KLHL12: variants seen among roughly 807,000 people sequenced by gnomAD.
KLHL12 encodes the protein kelch like family member 12, also known as kelch-like protein 12.
A neutral mutation model predicts 60.8 loss-of-function variants in KLHL12; 17 were observed. The ratio of observed to expected loss-of-function variants is 0.28; its 90% CI spans 0.19 to 0.42. The LOEUF is 0.42. KLHL12 is among the 10% of genes least tolerant of loss of function. The probability of loss-of-function intolerance (pLI) is 1.00; values close to 1 mark genes in which losing one functional copy is unlikely to be tolerated. For missense variants in KLHL12, 468 were observed against 722.3 expected (o/e 0.65, Z 4.04); for synonymous variants, 220 against 250.9 (o/e 0.88, Z 1.16).
At chr1:202,907,730 G>A (rs1045011661) in intron 6 of KLHL12, among the ~76,000 whole-genome samples, 10 of 150,144 alleles carry the variant, frequency 6.7e-5, no homozygotes, top group Non-Finnish European at 1.3e-4. Context: ...AACAAAGGAA[G>A]GCTCTGTCTC....
chr1:202,918,203 C>T lies in KLHL12; in HGVS notation c.535G>A (p.Val179Met). ...TCGTCGCACTTGATTAGCTTTTCCA[C>T]CTCTCCTTGACTCAGAAGAATGAAC... is the stretch of plus-strand genomic sequence containing the variant. ...EEFILLSQGE[V>M]EKLIKCDEIQ... is the part of the protein sequence containing the mutation. The change falls in exon 4 of 12, where the codon GTG becomes ATG. Residue 179 changes from valine to methionine, a missense_variant. By Grantham distance (21) the Val-to-Met change is conservative. Around this residue, in one of 4 missense-constraint regions of KLHL12, gnomAD observed 339 missense variants for 525.0 expected, o/e 0.65. Transcript: ENST00000367261. 1.2e-6 allele frequency: 2 copies of T among 1,614,112 alleles called. No homozygotes were observed. The highest frequency in any genetic ancestry group is 4.5e-5 in the East Asian group (2 of 44,872).
Position 202,927,142 on chromosome 1 carries a change from T to A in KLHL12, c.-99A>T. ...CGGGCCCGTCCCCAGCCTGTGGGGA[T>A]GGAGTGCGGCGCGGGGCTAGCAGGC... On this transcript the variant is annotated 5_prime_UTR_variant, in exon 1 of 12. Coordinates refer to ENST00000367261, the MANE Select transcript of KLHL12 (RefSeq NM_021633.4). 8 of 985,146 alleles carry A rather than the reference T, an allele frequency of 8.1e-6. No homozygotes were observed. Among genetic ancestry groups the A allele is most frequent in the Non-Finnish European group, 9.6e-6 (8 of 829,890 alleles). The allele number at this position is 985,146 out of a possible 1,614,324, so 61.0% of individuals were successfully genotyped here. A position where few individuals can be genotyped will look rare whatever the true frequency, so the allele number is the denominator to read the frequency against.
intron 4 of KLHL12, among the ~76,000 whole-genome samples, chr1:202,915,528 T>C (rs547864700): frequency 3.3e-5 from 5 of 152,288 alleles, no homozygotes; most frequent in African/African-American, 1.2e-4. Context: ...AGCTTCTAAA[T>C]AAGGTTAGTT....
intron 2 of KLHL12, among the ~76,000 whole-genome samples, chr1:202,924,694 C>T (rs1323228327): frequency 6.6e-6 from 1 of 152,192 alleles, no homozygotes; most frequent in Non-Finnish European, 1.5e-5. Context: ...TGTTTTACTA[C>T]ATATTACACT....
At chr1:202,918,425 T>C (rs1424566134) in intron 3 of KLHL12, 37 bp from the exon 4 acceptor site, 1 of 1,490,200 alleles carries the variant, frequency 6.7e-7, no homozygotes, top group Non-Finnish European at 9.4e-7. Flanking sequence ...TTTAGAATAG[T>C]TGGACAGGTG....
At chr1:202,914,102 G>A (rs1189879534) in intron 4 of KLHL12, among the ~76,000 whole-genome samples, 2 of 152,198 alleles carry the variant, frequency 1.3e-5, no homozygotes, top group Admixed American at 1.3e-4. Context: ...GGAGAGTTAA[G>A]CAAGGGCCAG....
intron 6 of KLHL12, among the ~76,000 whole-genome samples, chr1:202,907,597 T>A (rs1362570020): frequency 7.9e-6 from 1 of 126,908 alleles, no homozygotes; most frequent in Non-Finnish European, 1.6e-5. Flanking sequence ...GACTCTGTCT[T>A]AAAAAAAAAA....
At chr1:202,912,287 TGTG>T (rs912601772) in intron 4 of KLHL12, 6 of 880,626 alleles carry the variant, frequency 6.8e-6, no homozygotes, top group African/African-American at 1.6e-5. Context: ...ACCATGACTC[TGTG>T]AATAAGACTG....
rs779157649 is a variant in KLHL12, at chr1:202,926,950, C to T, written c.-46+139G>A. The T allele has an allele frequency of 4.1e-5, 25 of 605,342 alleles. 1 individual carries two copies. The highest frequency in any genetic ancestry group is 5.2e-5 in the Non-Finnish European group (25 of 482,364). The allele number at this position is 605,342 out of a possible 1,614,324, so 37.5% of individuals were successfully genotyped here. On this transcript the variant is annotated intron_variant, in intron 1 of 11. Transcript: ENST00000367261. The stretch of plus-strand genomic sequence containing the variant: ...GTGACCGAGGCCAGATGCCCCACCC[C>T]ACTGCCAGCCTTCCTCCTCTGTTGG...
intron 6 of KLHL12, among the ~76,000 whole-genome samples, chr1:202,905,899 G>C (rs1019476031): frequency 2.0e-5 from 3 of 150,476 alleles, no homozygotes; most frequent in Admixed American, 6.6e-5. Context: ...CCATCTCCTG[G>C]GTTCACGCCA....
chr1:202,908,678 A>G (rs905184727), intron 6 of KLHL12, among the ~76,000 whole-genome samples: 1 of 152,258 alleles, frequency 6.6e-6, no homozygotes, highest in Admixed American at 6.5e-5. Flanking sequence ...CTTACCTGCC[A>G]TTATGTGGCA....
chr1:202,899,447 G>A (rs1013064054), intron 6 of KLHL12, among the ~76,000 whole-genome samples: 4 of 152,096 alleles, frequency 2.6e-5, no homozygotes, highest in Non-Finnish European at 5.9e-5. Context: ...GTTTTTCTAA[G>A]AGGGCACTTG....
At chr1:202,897,695 C>T (rs1314523849) in intron 6 of KLHL12, among the ~76,000 whole-genome samples, 2 of 152,178 alleles carry the variant, frequency 1.3e-5, no homozygotes, top group African/African-American at 2.4e-5. Flanking sequence ...AAAAAAGCTA[C>T]ATGTTGAAAC....
intron 2 of KLHL12, among the ~76,000 whole-genome samples, chr1:202,922,864 AAGAGAG>A (rs556064563): frequency 2.0e-5 from 3 of 151,506 alleles, no homozygotes; most frequent in African/African-American, 4.8e-5. Context: ...GGAAAAAAAA[AAGAGAG>A]AGAGAGAGAG....
intron 7 of KLHL12, 63 bp downstream of exon 7, chr1:202,896,791 T>C (rs1002411805): frequency 8.2e-7 from 1 of 1,223,620 alleles, no homozygotes; most frequent in African/African-American, 1.5e-5. Flanking sequence ...TTAGCTATGA[T>C]CTGGAGGCAG....
At chr1:202,919,657 T>G in intron 3 of KLHL12, 98 bp downstream of exon 3, 1 of 1,159,678 alleles carries the variant, frequency 8.6e-7, no homozygotes. Flanking sequence ...ACATCCATAG[T>G]TTGTCTCCAA....
chr1:202,895,786 T>A lies in KLHL12; in HGVS notation c.940-69A>T. On this transcript the variant is annotated intron_variant, in intron 7 of 11. Transcript: ENST00000367261. The surrounding 1 kb of genome is among the most constrained non-coding windows in gnomAD (Gnocchi z 4.2). ...AAGTTTTGGGCCTTACCTTTTGCTATCTTCCCTGTTGTATCTGCACACCTC... is the reference window on the plus strand; with the variant it reads ...AAGTTTTGGGCCTTACCTTTTGCTAACTTCCCTGTTGTATCTGCACACCTC... 1 of 1,196,496 alleles carries A rather than the reference T, an allele frequency of 8.4e-7. No individual in the cohort carries two copies. Among genetic ancestry groups the A allele is most frequent in the Non-Finnish European group, 1.2e-6 (1 of 823,264 alleles). 74.1% of individuals were successfully genotyped at this position (1,196,496 alleles called of 1,614,324 possible). A position where few individuals can be genotyped will look rare whatever the true frequency, so the allele number is the denominator to read the frequency against.
At chr1:202,925,290 A>C (rs1653474716) in intron 1 of KLHL12, 83 bp from the exon 2 acceptor site, 1 of 1,452,988 alleles carries the variant, frequency 6.9e-7, no homozygotes, top group Non-Finnish European at 9.1e-7. Context: ...CAAATTAAGA[A>C]CCTAAGAGGC....
In KLHL12 at chr1:202,894,430, T is replaced by A. The variant is rs1048680393; in HGVS notation, c.1295-148A>T. 3.4e-6 allele frequency: 3 copies of A among 894,086 alleles called. No homozygotes were observed. The Admixed American group carries it at 6.5e-5, about 19-fold the overall frequency. The allele number at this position is 894,086 out of a possible 1,614,324, so 55.4% of individuals were successfully genotyped here. A position where few individuals can be genotyped will look rare whatever the true frequency, so the allele number is the denominator to read the frequency against. On this transcript the variant is annotated intron_variant, in intron 9 of 11. Transcript: ENST00000367261. The stretch of plus-strand genomic sequence containing the variant: ...TCTAAGAGAAATCTGACATTATGCT[T>A]ATAAGAAAAAGATAATCCCAATTAA...
Sources: gnomAD v4.1 joint callset for allele counts (sites outside exome capture counted in the v4.1 genomes callset) on GRCh38, gnomAD v4.1.1 for gene constraint, gnomAD v4.1.1 regional missense constraint, Gnocchi (gnomAD v3.1) non-coding constraint, MANE v1.5 for transcripts, NCBI Gene and HGNC (gene_info 2026-07-23, HGNC 2026-07-21) for gene names.